Variants in TAFA2 observed in about 807,000 individuals in gnomAD.
TAFA2 encodes the protein chemokine-like protein TAFA-2.
A neutral mutation model predicts 18.8 loss-of-function variants in TAFA2; 7 were observed. The ratio of observed to expected loss-of-function variants is 0.37; its 90% CI spans 0.21 to 0.70. The LOEUF is 0.70. Ranked by LOEUF, TAFA2 falls within the 30% of genes least tolerant of loss-of-function variation. The pLI is 0.53. For synonymous variants in TAFA2, 60 were observed against 54.2 expected, an observed-to-expected ratio of 1.11 and a Z score of -0.47; for missense variants, 122 against 158.1, an observed-to-expected ratio of 0.77 and a Z score of 1.23.
intron 1 of TAFA2, among the ~76,000 whole-genome samples, chr12:62,117,101 T>C (rs1043672740): frequency 2.6e-5 from 4 of 152,168 alleles, no homozygotes; most frequent in Non-Finnish European, 5.9e-5. Flanking sequence ...ACTTCTATCT[T>C]CCGGAAACTT....
intron 2 of TAFA2, among the ~76,000 whole-genome samples, chr12:61,776,885 A>T (rs1870285126): frequency 1.3e-5 from 2 of 151,810 alleles, no homozygotes; most frequent in Non-Finnish European, 2.9e-5. Flanking sequence ...TTAACTTCTC[A>T]GTGTTAATCT....
chr12:61,877,133 A>T lies in TAFA2; in HGVS notation c.-1-9707T>A, dbSNP rs150965442. Among the ~76,000 whole-genome samples the T allele has an allele frequency of 7.7e-3, 1,180 of 152,348 alleles. 12 individuals are homozygous for T. Among genetic ancestry groups the T allele is most frequent in the African/African-American group, 0.027 (1,122 of 41,586 alleles). On this transcript the variant is annotated intron_variant, in intron 1 of 4. Transcript: ENST00000416284. ...CAACTGATTAAGAATCAAAGCAGCAACCACTCTGTGCTACAAACCTCAGTC... is the reference window on the plus strand; with the variant it reads ...CAACTGATTAAGAATCAAAGCAGCATCCACTCTGTGCTACAAACCTCAGTC...
intron 2 of TAFA2, among the ~76,000 whole-genome samples, chr12:61,865,988 G>A (rs2121215794): frequency 6.6e-6 from 1 of 152,230 alleles, no homozygotes; most frequent in East Asian, 1.9e-4. Flanking sequence ...TCGTTCTTTG[G>A]TCTTGTTGGT....
chr12:62,221,621 G>T (rs1236252202), intron 1 of TAFA2, among the ~76,000 whole-genome samples: 3 of 151,990 alleles, frequency 2.0e-5, no homozygotes, highest in Non-Finnish European at 4.4e-5. Flanking sequence ...AATGGGTGTG[G>T]GATAATTGGG....
At chr12:62,036,317 A>G (rs1318190918) in intron 1 of TAFA2, among the ~76,000 whole-genome samples, 1 of 152,240 alleles carries the variant, frequency 6.6e-6, no homozygotes, top group African/African-American at 2.4e-5. Flanking sequence ...TTGATTTTTA[A>G]AACTATCTGG....
intron 1 of TAFA2, among the ~76,000 whole-genome samples, chr12:61,996,973 AATATTGATC>A (rs1299097768): frequency 1.3e-5 from 2 of 152,176 alleles, no homozygotes; most frequent in Non-Finnish European, 2.9e-5. Context: ...TCCTTTATTA[AATATTGATC>A]ATCCACTATT....
intron 2 of TAFA2, among the ~76,000 whole-genome samples, chr12:61,791,783 A>G (rs532332222): frequency 9.2e-5 from 14 of 151,792 alleles, no homozygotes; most frequent in Admixed American, 8.5e-4. Context: ...GTAAATTAGT[A>G]TAGTCATTGT....
chr12:61,896,589 T>C (rs1451621077), intron 1 of TAFA2, among the ~76,000 whole-genome samples: 1 of 152,232 alleles, frequency 6.6e-6, no homozygotes, highest in Non-Finnish European at 1.5e-5. Flanking sequence ...TTATAAGGAT[T>C]TCAATCTGCT....
At chr12:62,008,709 G>A (rs552376668) in intron 1 of TAFA2, among the ~76,000 whole-genome samples, 39 of 152,274 alleles carry the variant, frequency 2.6e-4, no homozygotes, top group African/African-American at 9.4e-4. Context: ...ATTCCTAGCT[G>A]ACTTTCTGGC....
chr12:62,011,167 C>T (rs571433803), intron 1 of TAFA2, among the ~76,000 whole-genome samples: 50 of 151,954 alleles, frequency 3.3e-4, no homozygotes, highest in African/African-American at 1.2e-3. Flanking sequence ...TGAGGAGTGC[C>T]TCTGCCCGGC....
intron 1 of TAFA2, among the ~76,000 whole-genome samples, chr12:62,140,646 C>G (rs185453604): frequency 2.6e-5 from 4 of 152,264 alleles, no homozygotes; most frequent in African/African-American, 9.6e-5. Context: ...CTGTCTGCTT[C>G]CACTCAATCC....
At chr12:62,075,790 T>C (rs1218683703) in intron 1 of TAFA2, among the ~76,000 whole-genome samples, 1 of 152,226 alleles carries the variant, frequency 6.6e-6, no homozygotes, top group African/African-American at 2.4e-5. Flanking sequence ...TTAAGAATAC[T>C]TACTGACCAC....
intron 2 of TAFA2, among the ~76,000 whole-genome samples, chr12:61,854,818 T>C (rs192346661): frequency 4.8e-4 from 73 of 152,238 alleles, no homozygotes; most frequent in African/African-American, 1.8e-3. Flanking sequence ...CTTACTTATG[T>C]TTTTCCTCAA....
chr12:62,208,737 T>C (rs536204368), intron 1 of TAFA2, among the ~76,000 whole-genome samples: 2 of 152,326 alleles, frequency 1.3e-5, no homozygotes, highest in African/African-American at 4.8e-5. Context: ...TCTTCCATCA[T>C]AAAAATATCC....
At chr12:62,207,936 CT>C (rs1248268288) in intron 1 of TAFA2, among the ~76,000 whole-genome samples, 8 of 152,294 alleles carry the variant, frequency 5.3e-5, no homozygotes, top group Middle Eastern at 3.4e-3. Context: ...CTTAATCCTC[CT>C]TCAATCCCAG....
At chr12:61,783,444 T>C (rs1292701345) in intron 2 of TAFA2, among the ~76,000 whole-genome samples, 1 of 151,612 alleles carries the variant, frequency 6.6e-6, no homozygotes, top group Non-Finnish European at 1.5e-5. Flanking sequence ...TGGGCAGTTA[T>C]CAAACTCTAT....
intron 1 of TAFA2, among the ~76,000 whole-genome samples, chr12:61,935,206 C>T (rs551958599): frequency 6.6e-6 from 1 of 152,176 alleles, no homozygotes; most frequent in South Asian, 2.1e-4. Context: ...ACTACATTTT[C>T]CAAAAATAAG....
intron 2 of TAFA2, among the ~76,000 whole-genome samples, chr12:61,847,098 C>T (rs1402480197): frequency 1.3e-5 from 2 of 152,206 alleles, no homozygotes; most frequent in Non-Finnish European, 2.9e-5. Flanking sequence ...CCCACTCAGG[C>T]TGACACATAT....
chr12:61,928,976 G>T (rs1325151479), intron 1 of TAFA2, among the ~76,000 whole-genome samples: 1 of 152,060 alleles, frequency 6.6e-6, no homozygotes, highest in Non-Finnish European at 1.5e-5. Context: ...CATGGACACA[G>T]GGAGGGGAAC....
Sources: allele counts gnomAD v4.1 joint callset (sites outside exome capture counted in the v4.1 genomes callset), GRCh38; gene constraint gnomAD v4.1.1; transcripts MANE v1.5; gene names NCBI Gene and HGNC (gene_info 2026-07-23, HGNC 2026-07-21).